MAP7D3: variants seen among roughly 807,000 people sequenced by gnomAD.
MAP7D3 encodes the protein MAP7 domain containing 3, also known as MAP7 domain-containing protein 3.
In MAP7D3, 45 loss-of-function variants were observed where a neutral mutation model predicts 62.2. That is an observed-to-expected ratio of 0.72 (90% CI 0.57 to 0.93). The LOEUF is 0.93. MAP7D3 is among the 40% of genes least tolerant of loss of function. The pLI, the probability that MAP7D3 is intolerant of heterozygous loss-of-function variation, is 0.00. For synonymous variants in MAP7D3, 288 were observed against 248.8 expected, an observed-to-expected ratio of 1.16 and a Z score of -1.48; for missense variants, 711 against 683.1, an observed-to-expected ratio of 1.04 and a Z score of -0.45.
Position 136,251,270 on chromosome X carries a change from G to C in MAP7D3, c.70+19C>G, listed in dbSNP as rs2074506099. On this transcript the variant is annotated intron_variant, in intron 1 of 18. Transcript: ENST00000316077. ...CCACGCGGGCCCGAACCACCCCCGG[G>C]AGCCACCCGCCCGCTCACCCATCCG... 8.9e-7 allele frequency: 1 copy of C among 1,126,201 alleles called. No homozygotes were observed. Among genetic ancestry groups the C allele is most frequent in the Non-Finnish European group, 1.2e-6 (1 of 856,688 alleles). 92.8% of individuals were successfully genotyped at this position (1,126,201 alleles called of 1,213,427 possible).
At chrX:136,249,893 G>A (rs985665915) in intron 1 of MAP7D3, among the ~76,000 whole-genome samples, 3 of 112,363 alleles carry the variant, frequency 2.7e-5, no homozygotes, top group African/African-American at 9.7e-5. Context: ...TTTTTGGTTT[G>A]AAATGCTGTG....
At position 136,233,542 on chromosome X, in the gene MAP7D3, G is replaced by A. The variant is rs745320126; in HGVS notation, c.737-1322C>T. 1.4e-4 allele frequency among the ~76,000 whole-genome samples: 15 copies of A among 105,066 alleles called. No individual in the cohort carries two copies. In the South Asian group the frequency reaches 6.7e-3, roughly 47 times the overall value. The allele number at this position is 105,066 out of a possible 115,157, so 91.2% of individuals were successfully genotyped here. A position where few individuals can be genotyped will look rare whatever the true frequency, so the allele number is the denominator to read the frequency against. The stretch of plus-strand genomic sequence containing the variant: ...ACCTGCCTCAGCCTCCCAAAGTGCT[G>A]GCATTACAGGCGTGAGACACCGCAC... On this transcript the variant is annotated intron_variant, in intron 7 of 18. Coordinates refer to ENST00000316077, the MANE Select transcript of MAP7D3 (RefSeq NM_024597.4).
chrX:136,231,702 T>TG lies in MAP7D3; in HGVS notation c.1254dup (p.Lys419GlnfsTer25), dbSNP rs2074270140. ...TTGGGGGCTACTTCTGCGCTCCCCT[T>TG]GGGAGGTGCTTCCAGGCTCCCCTCT... is the stretch of plus-strand genomic sequence containing the variant. On this transcript the variant is annotated frameshift_variant, in exon 8 of 19. Transcript: ENST00000316077. LOFTEE classifies it high-confidence loss of function. The TG allele has an allele frequency of 8.3e-7, 1 of 1,209,570 alleles. No homozygotes were observed. Among genetic ancestry groups the TG allele is most frequent in the African/African-American group, 1.7e-5 (1 of 57,689 alleles).
chrX:136,228,073 G>A (rs776873435), intron 11 of MAP7D3, among the ~76,000 whole-genome samples: 1 of 111,846 alleles, frequency 8.9e-6, no homozygotes. Context: ...TAGTCCTCAA[G>A]ATGGAGGAAC....
At chrX:136,226,867 A>C (rs2074203610) in intron 12 of MAP7D3, among the ~76,000 whole-genome samples, 1 of 111,425 alleles carries the variant, frequency 9.0e-6, no homozygotes, top group African/African-American at 3.3e-5. Context: ...AGTGGCTTAC[A>C]CCTGTAATCC....
Position 136,240,363 on chromosome X carries a change from A to G in MAP7D3, c.640+19T>C, listed in dbSNP as rs1329637271. 3 of 968,618 alleles carry G rather than the reference A, an allele frequency of 3.1e-6. No homozygotes were observed. Among genetic ancestry groups the G allele is most frequent in the Admixed American group, 2.2e-5 (1 of 45,337 alleles). 79.8% of individuals were successfully genotyped at this position (968,618 alleles called of 1,213,427 possible). Reference sequence around the variant, plus strand: ...TCATTTAATAGAAATTCAGTAGAATACATGAAATAACTACTTACTTTTGGC... The same window carrying G: ...TCATTTAATAGAAATTCAGTAGAATGCATGAAATAACTACTTACTTTTGGC... On this transcript the variant is annotated intron_variant, in intron 6 of 18. Coordinates refer to ENST00000316077, the MANE Select transcript of MAP7D3 (RefSeq NM_024597.4).
intron 6 of MAP7D3, among the ~76,000 whole-genome samples, chrX:136,238,724 G>T (rs1463409259): frequency 9.0e-6 from 1 of 111,484 alleles, no homozygotes; most frequent in Non-Finnish European, 1.9e-5. Context: ...GCTCATCACT[G>T]AAATTTTAAG....
chrX:136,228,211 TAAAA>T (rs1420033959), intron 11 of MAP7D3, among the ~76,000 whole-genome samples: 2 of 111,978 alleles, frequency 1.8e-5, no homozygotes, highest in Non-Finnish European at 3.8e-5. Context: ...ACAGAAAAAG[TAAAA>T]CATGAGTAAG....
chrX:136,223,772 C>T (rs1266088325), intron 14 of MAP7D3, among the ~76,000 whole-genome samples: 1 of 111,057 alleles, frequency 9.0e-6, no homozygotes, highest in Non-Finnish European at 1.9e-5. Context: ...TGTGGTGGCT[C>T]AAGCCTGCAA....
chrX:136,214,440 G>C (rs750412645), downstream of MAP7D3: 1 of 111,987 alleles, frequency 8.9e-6, no homozygotes, highest in Admixed American at 9.5e-5. Context: ...CTTGGCCATC[G>C]CTGCTGTTTT....
At chrX:136,229,891 C>G (rs1198315500) in intron 10 of MAP7D3, among the ~76,000 whole-genome samples, 4 of 102,791 alleles carry the variant, frequency 3.9e-5, no homozygotes, top group Non-Finnish European at 5.9e-5. Context: ...ATGGCTTACT[C>G]TTATCCTCAA....
At position 136,230,453 on chromosome X, in the gene MAP7D3, T is replaced by C. The variant is rs748582851; in HGVS notation, c.1682A>G (p.Lys561Arg). The C allele has an allele frequency of 2.8e-5, 34 of 1,202,226 alleles. No homozygotes were observed. The East Asian group carries it at 1.0e-3, about 36-fold the overall frequency. The change falls in exon 10 of 19, where the codon AAA becomes AGA. Residue 561 changes from lysine (K) to arginine (R), a missense_variant. Lys to Arg is a conservative substitution (Grantham distance 26). Transcript: ENST00000316077. ...VQSASSTVKK[K>R]KETVSKTTNR... ...AGTGGTTTTAGAAACTGTTTCTTTT[T>C]TCTTTTTGACAGTACTTGATGCACT...
chrX:136,224,725 T>C, intron 14 of MAP7D3, 102 bp downstream of exon 14: 2 of 505,550 alleles, frequency 4.0e-6, no homozygotes, highest in Non-Finnish European at 6.6e-6. Context: ...GCAAATGTAA[T>C]ACTTTATTTC....
At chrX:136,256,238 A>G, upstream of MAP7D3, 1 of 1,150,636 alleles carries the variant, frequency 8.7e-7, no homozygotes, top group South Asian at 1.9e-5. Flanking sequence ...CTCTTGCCAA[A>G]TCTACTCACA....
chrX:136,221,317 T>C (rs1435934057), intron 15 of MAP7D3, among the ~76,000 whole-genome samples: 1 of 111,964 alleles, frequency 8.9e-6, no homozygotes, highest in Non-Finnish European at 1.9e-5. Flanking sequence ...GTGCATTTCG[T>C]CTTACCTCTA....
intron 17 of MAP7D3, 30 bp downstream of exon 17, chrX:136,219,563 G>A: frequency 8.6e-7 from 1 of 1,167,927 alleles, no homozygotes; most frequent in Non-Finnish European, 1.2e-6. Context: ...TCTTGTCACA[G>A]ATACGCTGCT....
At chrX:136,238,946 A>G (rs1204477897) in intron 6 of MAP7D3, among the ~76,000 whole-genome samples, 6 of 111,931 alleles carry the variant, frequency 5.4e-5, no homozygotes, top group Non-Finnish European at 7.5e-5. Context: ...TTGCTCAAAA[A>G]TTGTCGAGAT....
chrX:136,243,286 G>C (rs1179425840), intron 4 of MAP7D3, among the ~76,000 whole-genome samples: 2 of 112,180 alleles, frequency 1.8e-5, no homozygotes, highest in African/African-American at 3.2e-5. Context: ...AGGATATAAA[G>C]ATGGGGAAAA....
At chrX:136,234,100 G>A (rs2074303301) in intron 7 of MAP7D3, among the ~76,000 whole-genome samples, 1 of 110,504 alleles carries the variant, frequency 9.0e-6, no homozygotes, top group South Asian at 3.9e-4. Flanking sequence ...ATAGCATTTA[G>A]ATGTGTTTTA....
Sources: gnomAD v4.1 joint callset for allele counts (sites outside exome capture counted in the v4.1 genomes callset) on GRCh38, gnomAD v4.1.1 for gene constraint, MANE v1.5 for transcripts, NCBI Gene and HGNC (gene_info 2026-07-23, HGNC 2026-07-21) for gene names.